Variants in VDAC1 observed in about 807,000 individuals in gnomAD.
The protein encoded by VDAC1 is non-selective voltage-gated ion channel VDAC1.
A neutral mutation model predicts 34.7 loss-of-function variants in VDAC1; 10 were observed. The observed-to-expected ratio is 0.29, with a 90% CI of 0.18 to 0.49. The LOEUF is 0.49. Among genes scored for constraint, VDAC1 ranks in the 20% least tolerant of loss-of-function variants. The probability of loss-of-function intolerance (pLI) is 0.99; values close to 1 mark genes in which losing one functional copy is unlikely to be tolerated. For synonymous variants in VDAC1, 130 were observed against 136.0 expected, an observed-to-expected ratio of 0.96 and a Z score of 0.30; for missense variants, 230 against 347.9, an observed-to-expected ratio of 0.66 and a Z score of 2.69.
At chr5:134,006,481 G>A (rs1197169579), upstream of VDAC1, among the ~76,000 whole-genome samples, 1 of 152,094 alleles carries the variant, frequency 6.6e-6, no homozygotes, top group African/African-American at 2.4e-5. Context: ...AGTGGCTCAA[G>A]CCTGTAATCC....
chr5:133,973,477 AAGTT>A (rs1752374553), intron 8 of VDAC1, among the ~76,000 whole-genome samples: 1 of 152,194 alleles, frequency 6.6e-6, no homozygotes, highest in Non-Finnish European at 1.5e-5. Context: ...GCTGATTTAT[AAGTT>A]AGTTTTGAGA....
At chr5:133,977,352 G>C (rs1267519078) in intron 6 of VDAC1, among the ~76,000 whole-genome samples, 2 of 152,202 alleles carry the variant, frequency 1.3e-5, no homozygotes, top group Admixed American at 6.5e-5. Context: ...ATCATAAAAT[G>C]TCTCCCTCTT....
chr5:134,110,956 T>C, the VDAC1 span, among the ~76,000 whole-genome samples: 2 of 152,210 alleles, frequency 1.3e-5, no homozygotes, highest in African/African-American at 4.8e-5. Flanking sequence ...GAAGAGCCAA[T>C]TAGCCTAACA....
intron 6 of VDAC1, among the ~76,000 whole-genome samples, chr5:133,980,387 A>C (rs1752644176): frequency 6.6e-6 from 1 of 152,202 alleles, no homozygotes; most frequent in Non-Finnish European, 1.5e-5. Context: ...TAGACAGAGA[A>C]AGAGAGCTGT....
the VDAC1 span, among the ~76,000 whole-genome samples, chr5:134,038,886 C>T: frequency 1.9e-5 from 2 of 103,652 alleles, no homozygotes; most frequent in South Asian, 3.2e-4. Context: ...GAGATAGACA[C>T]AAAATGAACC....
At chr5:133,988,291 TA>T (rs202168749) in intron 5 of VDAC1, among the ~76,000 whole-genome samples, 2,580 of 147,512 alleles carry the variant, frequency 0.017, 26 homozygotes, top group Non-Finnish European at 0.026. Context: ...AAAAGTAAAT[TA>T]AAAAAAAAAG....
chr5:134,108,967 G>T, the VDAC1 span, among the ~76,000 whole-genome samples: 1 of 152,188 alleles, frequency 6.6e-6, no homozygotes, highest in Non-Finnish European at 1.5e-5. Context: ...CTGCCATGTT[G>T]TGTGCCATGA....
intron 5 of VDAC1, 121 bp downstream of exon 5, chr5:133,990,734 G>T: frequency 8.5e-7 from 1 of 1,178,962 alleles, no homozygotes; most frequent in Non-Finnish European, 1.2e-6. Flanking sequence ...GACTTAAATC[G>T]CCAGGTCTCG....
chr5:133,983,429 T>C (rs1752776797), intron 5 of VDAC1, among the ~76,000 whole-genome samples: 1 of 152,176 alleles, frequency 6.6e-6, no homozygotes, highest in South Asian at 2.1e-4. Flanking sequence ...GTTATATTTA[T>C]GGCTGTATAA....
At chr5:134,072,169 T>G in the VDAC1 span, among the ~76,000 whole-genome samples, 1 of 152,176 alleles carries the variant, frequency 6.6e-6, no homozygotes, top group African/African-American at 2.4e-5. Flanking sequence ...CATTATTTAC[T>G]CAACAGGGAC....
At chr5:134,096,877 C>T in the VDAC1 span, among the ~76,000 whole-genome samples, 4 of 152,250 alleles carry the variant, frequency 2.6e-5, no homozygotes, top group Non-Finnish European at 4.4e-5. Context: ...GCATACGCCA[C>T]CGCACCAGCC....
the VDAC1 span, among the ~76,000 whole-genome samples, chr5:134,064,537 C>A: frequency 6.6e-6 from 1 of 152,192 alleles, no homozygotes; most frequent in South Asian, 2.1e-4. Flanking sequence ...CTCCTGACCT[C>A]AGATGATCTG....
the VDAC1 span, among the ~76,000 whole-genome samples, chr5:134,019,451 A>T: frequency 1.3e-5 from 2 of 152,106 alleles, no homozygotes; most frequent in East Asian, 3.9e-4. Context: ...ATGGTGGTGA[A>T]CACCTGTAGT....
chr5:134,095,522 A>AAATCAATCAATC, the VDAC1 span, among the ~76,000 whole-genome samples: 4 of 150,814 alleles, frequency 2.7e-5, no homozygotes, highest in African/African-American at 9.9e-5. Flanking sequence ...ATAAATAAAT[A>AAATCAATCAATC]AATCCAAGAG....
At chr5:133,995,572 T>TG (rs796422398) in intron 1 of VDAC1, among the ~76,000 whole-genome samples, 85 of 151,914 alleles carry the variant, frequency 5.6e-4, no homozygotes, top group African/African-American at 2.0e-3. Context: ...AGCAAAAGGA[T>TG]GACTCACCCT....
the VDAC1 span, among the ~76,000 whole-genome samples, chr5:134,029,522 T>C: frequency 6.6e-6 from 1 of 152,196 alleles, no homozygotes; most frequent in Non-Finnish European, 1.5e-5. Context: ...TCTGCAATGA[T>C]AGAACAGCCG....
At chr5:134,044,677 G>C in the VDAC1 span, among the ~76,000 whole-genome samples, 4 of 152,252 alleles carry the variant, frequency 2.6e-5, no homozygotes, top group Admixed American at 2.0e-4. Flanking sequence ...GCGCGCACAG[G>C]TATGTAAGTG....
the VDAC1 span, among the ~76,000 whole-genome samples, chr5:134,032,954 G>A: frequency 6.6e-6 from 1 of 151,376 alleles, no homozygotes; most frequent in South Asian, 2.2e-4. Flanking sequence ...GATTGCTTGA[G>A]CCCAGAAAGT....
At chr5:134,088,748 C>T in the VDAC1 span, among the ~76,000 whole-genome samples, 3 of 152,148 alleles carry the variant, frequency 2.0e-5, no homozygotes, top group African/African-American at 7.2e-5. Flanking sequence ...CTACATCTTT[C>T]CCCCTTGCTC....
Sources: allele counts gnomAD v4.1 joint callset (sites outside exome capture counted in the v4.1 genomes callset), GRCh38; gene constraint gnomAD v4.1.1; transcripts MANE v1.5; gene names NCBI Gene and HGNC (gene_info 2026-07-23, HGNC 2026-07-21).